Variants in SARM1 observed in about 807,000 individuals in gnomAD.
The protein encoded by SARM1 is NAD(+) hydrolase SARM1.
A neutral mutation model predicts 65.1 loss-of-function variants in SARM1; 60 were observed. The ratio of observed to expected loss-of-function variants is 0.92; its 90% CI spans 0.75 to 1.14. The LOEUF (loss-of-function observed/expected upper bound fraction) is 1.14. Among genes scored for constraint, SARM1 ranks in the 50% most tolerant of loss-of-function variants. The pLI, the probability that SARM1 is intolerant of heterozygous loss-of-function variation, is 0.00. For missense variants in SARM1, 913 were observed against 1,015.7 expected (o/e 0.90, Z 1.37); for synonymous variants, 417 against 465.4 (o/e 0.90, Z 1.34).
At chr17:28,381,083 G>A (rs2068020426) in intron 1 of SARM1, 120 bp from the exon 2 acceptor site, 1 of 1,194,776 alleles carries the variant, frequency 8.4e-7, no homozygotes, top group African/African-American at 1.6e-5. Context: ...GGAGGGGAAT[G>A]CTCTCCCCTA....
intron 1 of SARM1, among the ~76,000 whole-genome samples, chr17:28,377,647 T>C (rs1258052470): frequency 6.6e-6 from 1 of 152,082 alleles, no homozygotes; most frequent in Non-Finnish European, 1.5e-5. Context: ...GGGCAAGGAC[T>C]CCATTGCTGG....
chr17:28,385,241 C>T lies in SARM1; in HGVS notation c.1596C>T (p.Gly532=). Reference sequence around the variant, plus strand: ...TGGAAGACTGCGGCATCCACCTGGGCGTGCACCGCGCCCGCATCCTCACGG... The same window carrying T: ...TGGAAGACTGCGGCATCCACCTGGGTGTGCACCGCGCCCGCATCCTCACGG... ...QLLEDCGIHL[G]VHRARILTAA... The change falls in exon 5 of 9, where the codon GGC becomes GGT. Residue 532 remains glycine (G), a synonymous_variant. Transcript: ENST00000585482. This position sits in a 1 kb window ranked among gnomAD's most constrained non-coding sequence, Gnocchi z 4.5. 1.3e-6 allele frequency: 2 copies of T among 1,578,698 alleles called. No homozygotes were observed. The highest frequency in any genetic ancestry group is 1.7e-6 in the Non-Finnish European group (2 of 1,167,890).
chr17:28,388,667 T>C, intron 7 of SARM1, 128 bp downstream of exon 7: 1 of 925,840 alleles, frequency 1.1e-6, no homozygotes, highest in South Asian at 1.6e-5. Flanking sequence ...TTGGCCCAGC[T>C]GGAAGTCAGG....
At position 28,402,996 on chromosome 17, in the gene SARM1, G is replaced by T. The variant is rs1346366482; in HGVS notation, c.*6710G>T. 6.6e-6 allele frequency: 1 copy of T among 152,250 alleles called. No individual in the cohort carries two copies. Among genetic ancestry groups the T allele is most frequent in the Admixed American group, 6.5e-5 (1 of 15,274 alleles). The allele number at this position is 152,250 out of a possible 1,614,324, so 9.4% of individuals were successfully genotyped here. ...ATTTGGCACCGACAGAATTGAGAAGGCACAAAGAGGAGGAGAGTCAATGTG... is the reference window on the plus strand; with the variant it reads ...ATTTGGCACCGACAGAATTGAGAAGTCACAAAGAGGAGGAGAGTCAATGTG... On this transcript the variant is annotated 3_prime_UTR_variant, in exon 9 of 9. Coordinates refer to ENST00000585482, the MANE Select transcript of SARM1 (RefSeq NM_015077.4).
At chr17:28,395,634 A>G (rs782498390) in intron 7 of SARM1, 4 of 371,442 alleles carry the variant, frequency 1.1e-5, no homozygotes, top group Non-Finnish European at 2.0e-5. Context: ...CCGGGCCCCC[A>G]GTGGGGAATC....
intron 7 of SARM1, among the ~76,000 whole-genome samples, chr17:28,393,573 A>C (rs2068092234): frequency 6.6e-6 from 1 of 152,018 alleles, no homozygotes; most frequent in South Asian, 2.1e-4. Context: ...AAAAAAAAAA[A>C]AGAAAGAAAG....
chr17:28,381,601 C>G lies in SARM1; in HGVS notation c.869C>G (p.Ser290Trp), dbSNP rs782769243. The change falls in exon 2 of 9, where the codon TCG becomes TGG. Residue 290 changes from serine to tryptophan, a missense_variant. By Grantham distance (177) the Ser-to-Trp change is radical (BLOSUM62 -3). This residue lies in a region of SARM1 where 862 missense variants were observed against 952.1 expected (regional missense o/e 0.91). Coordinates refer to ENST00000585482, the MANE Select transcript of SARM1 (RefSeq NM_015077.4). ...NKEVEREVER[S>W]GTLALVEPLV... ...GAGGTGGAGCGCGAGGTGGAGCGCT[C>G]GGGCACGCTGGCGCTCGTGGAGCCG... The G allele has an allele frequency of 4.2e-5, 66 of 1,586,290 alleles. No individual in the cohort carries two copies. The highest frequency in any genetic ancestry group is 4.8e-5 in the Non-Finnish European group (56 of 1,167,518).
In SARM1 at chr17:28,400,123, G is replaced by A. The variant is rs774508059; in HGVS notation, c.*3837G>A. On this transcript the variant is annotated 3_prime_UTR_variant, in exon 9 of 9. Coordinates refer to ENST00000585482, the MANE Select transcript of SARM1 (RefSeq NM_015077.4). Reference sequence around the variant, plus strand: ...TTGCCCAGGCTGATCTTGAATTCCCGGGCTCAAGTGGTCCTCCTGCCTCAG... The same window carrying A: ...TTGCCCAGGCTGATCTTGAATTCCCAGGCTCAAGTGGTCCTCCTGCCTCAG... 3.5e-5 allele frequency: 8 copies of A among 231,398 alleles called. No homozygotes were observed. Among genetic ancestry groups the A allele is most frequent in the Admixed American group, 5.1e-5 (1 of 19,430 alleles). 14.3% of individuals were successfully genotyped at this position (231,398 alleles called of 1,614,324 possible). A position where few individuals can be genotyped will look rare whatever the true frequency, so the allele number is the denominator to read the frequency against.
intron 7 of SARM1, among the ~76,000 whole-genome samples, chr17:28,388,766 C>CTTTTTTTTT (rs371410539): frequency 1.8e-4 from 25 of 135,908 alleles, no homozygotes; most frequent in Non-Finnish European, 2.4e-4. Context: ...TTTTCTTTTT[C>CTTTTTTTTT]TTTTTTTTTT....
In SARM1 at chr17:28,392,359, G is replaced by A. The variant is rs539709259; in HGVS notation, c.1924-3546G>A. ...TCTCGATCTCCTGACCTCGTGATCC[G>A]CCCGCCTTGGCCTCCCAAAGTGCTG... On this transcript the variant is annotated intron_variant, in intron 7 of 8. Transcript: ENST00000585482. Among the ~76,000 whole-genome samples the A allele has an allele frequency of 1.8e-4, 28 of 151,926 alleles. 1 individual carries two copies. The East Asian group carries it at 1.9e-3, about 11-fold the overall frequency.
chr17:28,379,893 T>G (rs1430071917), intron 1 of SARM1, among the ~76,000 whole-genome samples: 1 of 152,246 alleles, frequency 6.6e-6, no homozygotes. Flanking sequence ...ACTAATGAGT[T>G]AGAGCATCTC....
At chr17:28,387,259 G>T (rs568812753) in intron 5 of SARM1, among the ~76,000 whole-genome samples, 2 of 146,782 alleles carry the variant, frequency 1.4e-5, no homozygotes, top group East Asian at 4.0e-4. Flanking sequence ...TTTAGTCAGA[G>T]TCTCACTCTG....
intron 1 of SARM1, among the ~76,000 whole-genome samples, chr17:28,379,341 C>G (rs769762438): frequency 3.6e-5 from 4 of 110,208 alleles, no homozygotes; most frequent in Non-Finnish European, 6.8e-5. Flanking sequence ...GACGGAGTCT[C>G]GCTCTGTTGC....
chr17:28,381,762 A>G lies in SARM1; in HGVS notation c.1030A>G (p.Ile344Val). The G allele has an allele frequency of 6.7e-7, 1 of 1,488,090 alleles. No homozygotes were observed. Among genetic ancestry groups the G allele is most frequent in the South Asian group, 1.4e-5 (1 of 74,044 alleles). The allele number at this position is 1,488,090 out of a possible 1,614,324, so 92.2% of individuals were successfully genotyped here. A position where few individuals can be genotyped will look rare whatever the true frequency, so the allele number is the denominator to read the frequency against. The change falls in exon 2 of 9, where the codon ATC (isoleucine) becomes GTC (valine). Residue 344 changes from isoleucine (I) to valine (V), a missense_variant. Ile to Val is a conservative substitution (Grantham distance 29, BLOSUM62 3). Coordinates refer to ENST00000585482, the MANE Select transcript of SARM1 (RefSeq NM_015077.4). The part of the protein sequence containing the change: ...LDSNRLEAQC[I>V]GAFYLCAEAA... ...CTCTAACCGCTTGGAGGCGCAGTGC[A>G]TCGGGGCTTTCTACCTCTGCGCCGA...
rs782706572 is a variant in SARM1 at position 28,384,577 on chromosome 17, CG to C, written c.1302+9del. On this transcript the variant is annotated intron_variant, in intron 3 of 8. Coordinates refer to ENST00000585482, the MANE Select transcript of SARM1 (RefSeq NM_015077.4). The surrounding 1 kb of genome is among the most constrained non-coding windows in gnomAD (Gnocchi z 4.4). Reference sequence around the variant, plus strand: ...TACTGCGAGAGCTTCCGGGTAGAGTCGCGTGGGATACGCCTCCCCCGAGTCA... The same window carrying C: ...TACTGCGAGAGCTTCCGGGTAGAGTCCGTGGGATACGCCTCCCCCGAGTCA... The C allele has an allele frequency of 2.4e-5, 38 of 1,589,218 alleles. No homozygotes were observed. The highest frequency in any genetic ancestry group is 3.2e-5 in the Non-Finnish European group (37 of 1,168,180).
At chr17:28,392,514 A>C (rs1173569544) in intron 7 of SARM1, among the ~76,000 whole-genome samples, 7 of 152,176 alleles carry the variant, frequency 4.6e-5, no homozygotes, top group Non-Finnish European at 1.0e-4. Flanking sequence ...ATTTCTAAAA[A>C]TTTCCAAATA....
Position 28,400,017 on chromosome 17 carries a change from C to CT in SARM1, c.*3733dup, listed in dbSNP as rs1348584303. 1 of 388,122 alleles carries CT rather than the reference C, an allele frequency of 2.6e-6. No homozygotes were observed. Among genetic ancestry groups the CT allele is most frequent in the African/African-American group, 2.1e-5 (1 of 48,746 alleles). The allele number at this position is 388,122 out of a possible 1,614,324, so 24.0% of individuals were successfully genotyped here. ...CAAGTGATCCTCCTGCCTCAGCCTC[C>CT]TTAGTAGCTGGGACTACCAGTGCAT... On this transcript the variant is annotated 3_prime_UTR_variant, in exon 9 of 9. Coordinates refer to ENST00000585482, the MANE Select transcript of SARM1 (RefSeq NM_015077.4).
rs974274233 is a variant in SARM1 at position 28,401,169 on chromosome 17, G to A, written c.*4883G>A. ...GATCAGTTCCAATATTCATAGCGGT[G>A]TCACCACTGAATAGCTTCTTATCCT... On this transcript the variant is annotated 3_prime_UTR_variant, in exon 9 of 9. Transcript: ENST00000585482. 1 of 249,622 alleles carries A rather than the reference G, an allele frequency of 4.0e-6. No individual in the cohort carries two copies. Among genetic ancestry groups the A allele is most frequent in the Non-Finnish European group, 8.0e-6 (1 of 125,716 alleles). The allele number at this position is 249,622 out of a possible 1,614,324, so 15.5% of individuals were successfully genotyped here. A position where few individuals can be genotyped will look rare whatever the true frequency, so the allele number is the denominator to read the frequency against.
intron 2 of SARM1, among the ~76,000 whole-genome samples, chr17:28,383,219 C>T (rs1355905133): frequency 1.3e-5 from 2 of 151,992 alleles, no homozygotes; most frequent in Non-Finnish European, 2.9e-5. Context: ...ACTAAAAATA[C>T]AAAAATTAGC....
Sources: allele counts gnomAD v4.1 joint callset (sites outside exome capture counted in the v4.1 genomes callset), GRCh38; gene constraint gnomAD v4.1.1; regional missense constraint gnomAD v4.1.1; non-coding constraint Gnocchi (gnomAD v3.1); transcripts MANE v1.5; gene names NCBI Gene and HGNC (gene_info 2026-07-23, HGNC 2026-07-21).